COL4A1: variants seen among roughly 807,000 people sequenced by gnomAD.
COL4A1 encodes collagen alpha-1(IV) chain.
COL4A1 carries 40 observed loss-of-function variants against 216.6 expected under a neutral mutation model. That is an observed-to-expected ratio of 0.18 (90% CI 0.14 to 0.24). The LOEUF (loss-of-function observed/expected upper bound fraction) is 0.24, where lower values mean the gene tolerates loss of function less well. COL4A1 is among the 10% of genes least tolerant of loss of function. COL4A1 has a pLI of 1.00. For missense variants in COL4A1, 1,628 were observed against 2,196.8 expected (o/e 0.74, Z 5.18); for synonymous variants, 839 against 810.7 (o/e 1.03, Z -0.59).
intron 1 of COL4A1, among the ~76,000 whole-genome samples, chr13:110,280,470 A>G (rs1014872555): frequency 5.3e-5 from 8 of 152,244 alleles, no homozygotes; most frequent in Middle Eastern, 3.2e-3. Context: ...GCCATTGAAA[A>G]CGAAAACAAT....
chr13:110,229,234 C>A (rs993832621), intron 2 of COL4A1, among the ~76,000 whole-genome samples: 3 of 152,228 alleles, frequency 2.0e-5, no homozygotes, highest in Admixed American at 1.3e-4. Context: ...TACCAAAGTT[C>A]TTTTCAGTAA....
At chr13:110,229,708 C>T (rs1880923134) in intron 2 of COL4A1, among the ~76,000 whole-genome samples, 2 of 152,212 alleles carry the variant, frequency 1.3e-5, no homozygotes, top group Admixed American at 6.5e-5. Context: ...AAGGGGTCCA[C>T]AGCCGACCTC....
chr13:110,259,683 C>T (rs1882737199), intron 1 of COL4A1, among the ~76,000 whole-genome samples: 1 of 152,144 alleles, frequency 6.6e-6, no homozygotes, highest in South Asian at 2.1e-4. Context: ...TTTTTAAGAA[C>T]GTGTTTGCAA....
intron 2 of COL4A1, among the ~76,000 whole-genome samples, chr13:110,221,722 C>A (rs1040363329): frequency 3.9e-5 from 6 of 152,174 alleles, no homozygotes; most frequent in African/African-American, 1.4e-4. Context: ...TCAGAAAAAA[C>A]AGTCCAAAAT....
intron 2 of COL4A1, among the ~76,000 whole-genome samples, chr13:110,219,664 A>ATG (rs1430673468): frequency 8.1e-5 from 6 of 73,934 alleles, no homozygotes; most frequent in Admixed American, 3.1e-4. Context: ...ATATATATGT[A>ATG]TATATATATA....
intron 2 of COL4A1, among the ~76,000 whole-genome samples, chr13:110,219,662 G>GTGTA (rs1362503051): frequency 0.045 from 2,898 of 64,484 alleles, 55 homozygotes; most frequent in Non-Finnish European, 0.065. Context: ...ATATATATAT[G>GTGTA]TATATATATA....
intron 15 of COL4A1, 120 bp from the exon 16 acceptor site, chr13:110,205,658 T>A (rs1436598000): frequency 2.2e-5 from 23 of 1,061,622 alleles, no homozygotes; most frequent in South Asian, 8.9e-5. Context: ...AGGTCAGGAG[T>A]TCGAGACCAG....
intron 1 of COL4A1, among the ~76,000 whole-genome samples, chr13:110,295,422 CTTTTTT>C (rs5806848): frequency 3.2e-4 from 28 of 88,208 alleles, no homozygotes; most frequent in African/African-American, 1.1e-3. Context: ...AGTTCACTTC[CTTTTTT>C]TTTTTTTTTT....
At position 110,211,904 on chromosome 13, in the gene COL4A1, C is replaced by A. The variant is rs1343036360; in HGVS notation, c.406G>T (p.Gly136Trp). ...NGTKGERGPLGPPGLPGFAGN... is the reference protein window; with the variant it reads ...NGTKGERGPLWPPGLPGFAGN... ...GCGAAACCAGGCAAGCCAGGAGGCC[C>A]GAGCGGCCCTCTCTCCCCCTGGGGA... Residue 136 changes from glycine to tryptophan, a missense_variant, in exon 7 of 52, where the codon GGG (glycine) becomes TGG (tryptophan). Around this residue, in one of 8 missense-constraint regions of COL4A1, gnomAD observed 150 missense variants for 211.9 expected, o/e 0.71. Coordinates refer to ENST00000375820, the MANE Select transcript of COL4A1 (RefSeq NM_001845.6). The surrounding 1 kb of genome is among the most constrained non-coding windows in gnomAD (Gnocchi z 4.3). 6.2e-7 allele frequency: 1 copy of A among 1,614,136 alleles called. No individual in the cohort carries two copies. The highest frequency in any genetic ancestry group is 1.3e-5 in the African/African-American group (1 of 75,044).
In COL4A1 at chr13:110,209,921, A is replaced by C. The variant is rs2166207; in HGVS notation, c.615+59T>G. The stretch of plus-strand genomic sequence containing the variant: ...TTTACTAAATTATTATTTATTTTCA[A>C]ACCTCAATATAGTTGTTTTTTAAAT... On this transcript the variant is annotated intron_variant, in intron 10 of 51. Transcript: ENST00000375820. 0.36 allele frequency: 560,504 copies of C among 1,550,788 alleles called. 104,323 individuals are homozygous for C. Among genetic ancestry groups the C allele is most frequent in the African/African-American group, 0.5 (36,872 of 73,740 alleles).
chr13:110,225,751 C>A (rs896064136), intron 2 of COL4A1, among the ~76,000 whole-genome samples: 1 of 152,152 alleles, frequency 6.6e-6, no homozygotes, highest in Non-Finnish European at 1.5e-5. Flanking sequence ...GAGCTCCGGG[C>A]GCCCTGCTTT....
intron 2 of COL4A1, among the ~76,000 whole-genome samples, chr13:110,235,432 C>T (rs1053949831): frequency 1.3e-5 from 2 of 152,130 alleles, no homozygotes; most frequent in Non-Finnish European, 2.9e-5. Context: ...GGGCGGATCA[C>T]AAGGTCAGGA....
chr13:110,158,759 T>TTTG (rs1491423847), intron 49 of COL4A1, among the ~76,000 whole-genome samples: 1 of 110,822 alleles, frequency 9.0e-6, no homozygotes, highest in East Asian at 2.5e-4. Context: ...TTTTTTTTTT[T>TTTG]GAGACAGAGT....
At chr13:110,150,739 T>C (rs1876465045) in intron 51 of COL4A1, among the ~76,000 whole-genome samples, 1 of 152,226 alleles carries the variant, frequency 6.6e-6, no homozygotes, top group South Asian at 2.1e-4. Context: ...TCCGAAGCCT[T>C]GGCCATTCCC....
chr13:110,198,334 G>T, intron 21 of COL4A1, 133 bp downstream of exon 21: 2 of 909,528 alleles, frequency 2.2e-6, no homozygotes, highest in East Asian at 2.5e-5. Flanking sequence ...AGAGGAATAT[G>T]GATGATTAGA....
intron 1 of COL4A1, among the ~76,000 whole-genome samples, chr13:110,294,403 C>T (rs368864643): frequency 2.0e-5 from 3 of 152,230 alleles, no homozygotes; most frequent in Non-Finnish European, 1.5e-5. Flanking sequence ...TGGAGAAACA[C>T]ATTTGCTGTC....
intron 1 of COL4A1, among the ~76,000 whole-genome samples, chr13:110,259,048 G>A (rs186071054): frequency 2.2e-4 from 34 of 152,336 alleles, no homozygotes; most frequent in Admixed American, 1.8e-3. Context: ...GGGGCCGCCC[G>A]GTCCCTGGAG....
intron 42 of COL4A1, among the ~76,000 whole-genome samples, chr13:110,170,241 C>T (rs73609557): frequency 0.021 from 3,240 of 152,278 alleles, 89 homozygotes; most frequent in African/African-American, 0.065. Context: ...GGGGTCTTCA[C>T]CAGAACCCAC....
intron 26 of COL4A1, among the ~76,000 whole-genome samples, chr13:110,183,960 G>T (rs535597753): frequency 1.3e-5 from 2 of 152,162 alleles, no homozygotes; most frequent in African/African-American, 4.8e-5. Flanking sequence ...CGTACACCTC[G>T]TAAGAGTTCA....
Sources: gnomAD v4.1 joint callset for allele counts (sites outside exome capture counted in the v4.1 genomes callset) on GRCh38, gnomAD v4.1.1 for gene constraint, gnomAD v4.1.1 regional missense constraint, Gnocchi (gnomAD v3.1) non-coding constraint, MANE v1.5 for transcripts, NCBI Gene and HGNC (gene_info 2026-07-23, HGNC 2026-07-21) for gene names.